Variants in SMCO4 observed in about 807,000 individuals in gnomAD.
SMCO4 encodes single-pass membrane protein with coiled-coil domains 4.
Under a neutral mutation model 3.6 loss-of-function variants are expected in SMCO4, and 4 were observed. The observed-to-expected ratio is 1.11, with a 90% CI of 0.54 to 2.53. The LOEUF (loss-of-function observed/expected upper bound fraction) is 2.53. Ranked by LOEUF, SMCO4 falls within the 30% of genes most tolerant of loss-of-function variation. The probability of loss-of-function intolerance (pLI) is 0.02; values close to 1 mark genes in which losing one functional copy is unlikely to be tolerated. For missense variants in SMCO4, 70 were observed against 80.8 expected, an observed-to-expected ratio of 0.87 and a Z score of 0.51; for synonymous variants, 36 against 35.3, an observed-to-expected ratio of 1.02 and a Z score of -0.07.
chr11:93,522,124 T>A (rs1266046212), intron 1 of SMCO4, among the ~76,000 whole-genome samples: 1 of 152,238 alleles, frequency 6.6e-6, no homozygotes, highest in Non-Finnish European at 1.5e-5. Context: ...TGTCAGGAAG[T>A]TCTTCCTCAG....
chr11:93,478,753 A>ACACAAG lies in SMCO4; in HGVS notation c.*256_*257insCTTGTG. ...CACACACACACACACACACACACACATGCGCGCGCGCTTTGAAGTCTGAAA... is the reference window on the plus strand; with the variant it reads ...CACACACACACACACACACACACACACACAAGTGCGCGCGCGCTTTGAAGTCTGAAA... On this transcript the variant is annotated 3_prime_UTR_variant, in exon 3 of 3. Coordinates refer to ENST00000298966, the MANE Select transcript of SMCO4 (RefSeq NM_020179.3). 1 of 707,210 alleles carries ACACAAG rather than the reference A, an allele frequency of 1.4e-6. No individual in the cohort carries two copies. Among genetic ancestry groups the ACACAAG allele is most frequent in the Non-Finnish European group, 1.9e-6 (1 of 515,708 alleles). 43.8% of individuals were successfully genotyped at this position (707,210 alleles called of 1,614,324 possible).
At chr11:93,538,377 CT>C (rs745496871) in intron 1 of SMCO4, among the ~76,000 whole-genome samples, 15 of 152,222 alleles carry the variant, frequency 9.9e-5, no homozygotes, top group Non-Finnish European at 1.8e-4. Flanking sequence ...GGACCAAACC[CT>C]GGTGGGTCCC....
rs1009661409 is a variant in SMCO4 at position 93,528,226 on chromosome 11, T to G, written c.-154+15050A>C. Among the ~76,000 whole-genome samples the G allele has an allele frequency of 2.0e-5, 3 of 152,210 alleles. No homozygotes were observed. In the East Asian group the frequency reaches 5.8e-4, roughly 29 times the overall value. ...TTTCTTAACAAATTTGGAATGTAAT[T>G]GATATAAAATTTTGTAGTTATGATC... is the stretch of plus-strand genomic sequence containing the variant. On this transcript the variant is annotated intron_variant, in intron 1 of 2. Transcript: ENST00000298966.
At position 93,479,273 on chromosome 11, in the gene SMCO4, T is replaced by G; in HGVS notation, c.-80-4A>C. 2 of 1,529,120 alleles carry G rather than the reference T, an allele frequency of 1.3e-6. No homozygotes were observed. Among genetic ancestry groups the G allele is most frequent in the Non-Finnish European group, 1.8e-6 (2 of 1,139,266 alleles). 94.7% of individuals were successfully genotyped at this position (1,529,120 alleles called of 1,614,324 possible). The stretch of plus-strand genomic sequence containing the variant: ...CTCTTGCCAAGGCTGGAACCTCCTG[T>G]AGAGAGAACAACTGTGATAGTAGAG... On this transcript the variant is annotated splice_region_variant and splice_polypyrimidine_tract_variant and intron_variant, in intron 2 of 2. Coordinates refer to ENST00000298966, the MANE Select transcript of SMCO4 (RefSeq NM_020179.3).
intron 1 of SMCO4, among the ~76,000 whole-genome samples, chr11:93,531,636 G>C (rs1241142119): frequency 6.6e-6 from 1 of 152,176 alleles, no homozygotes; most frequent in Admixed American, 6.5e-5. Flanking sequence ...TGTGCAGACA[G>C]GTAACACTAA....
At chr11:93,493,206 T>A (rs1445043295) in intron 2 of SMCO4, among the ~76,000 whole-genome samples, 2 of 152,214 alleles carry the variant, frequency 1.3e-5, no homozygotes, top group Non-Finnish European at 2.9e-5. Context: ...ATCTTGCCAC[T>A]GGTCCAACTG....
intron 1 of SMCO4, among the ~76,000 whole-genome samples, chr11:93,534,796 C>T (rs1379834531): frequency 6.6e-6 from 1 of 152,208 alleles, no homozygotes; most frequent in African/African-American, 2.4e-5. Context: ...GGGAGGGCCC[C>T]GAGATCAGCC....
chr11:93,527,495 C>A (rs1343086584), intron 1 of SMCO4, among the ~76,000 whole-genome samples: 2 of 152,348 alleles, frequency 1.3e-5, no homozygotes, highest in Middle Eastern at 3.4e-3. Context: ...GTCTCACTGT[C>A]ACCCAGGCTG....
chr11:93,520,019 G>A lies in SMCO4; in HGVS notation c.-153-20671C>T, dbSNP rs186289774. ...AGCAAAGAAAAGCAAAGGTTAGCAG[G>A]GCCAACATCTGGCAGAGCCACTATA... On this transcript the variant is annotated intron_variant, in intron 1 of 2. Coordinates refer to ENST00000298966, the MANE Select transcript of SMCO4 (RefSeq NM_020179.3). Among the ~76,000 whole-genome samples the A allele has an allele frequency of 4.4e-3, 673 of 152,290 alleles. 3 individuals are homozygous for A. The highest frequency in any genetic ancestry group is 0.019 in the South Asian group (90 of 4,818).
At chr11:93,508,857 A>G (rs1329237798) in intron 1 of SMCO4, among the ~76,000 whole-genome samples, 2 of 152,238 alleles carry the variant, frequency 1.3e-5, no homozygotes, top group African/African-American at 2.4e-5. Context: ...AAGAAGGAGC[A>G]GGAAACACTT....
the SMCO4 span, among the ~76,000 whole-genome samples, chr11:93,549,629 T>TA: frequency 6.6e-6 from 1 of 151,390 alleles, no homozygotes; most frequent in Non-Finnish European, 1.5e-5. Context: ...ATTTATTTTT[T>TA]TTTTTTTTAT....
upstream of SMCO4, among the ~76,000 whole-genome samples, chr11:93,544,952 G>A (rs1442646831): frequency 6.6e-6 from 1 of 152,316 alleles, no homozygotes; most frequent in East Asian, 1.9e-4. Context: ...GGGAACACGC[G>A]TGTGTGAGGT....
upstream of SMCO4, chr11:93,543,392 G>T (rs1176246611): frequency 6.6e-6 from 1 of 151,978 alleles, no homozygotes; most frequent in Non-Finnish European, 1.5e-5. Flanking sequence ...GGGCGACTCT[G>T]GCGCGCCAGA....
Position 93,478,862 on chromosome 11 carries a change from T to C in SMCO4, c.*148A>G, listed in dbSNP as rs1948552149. 4.2e-6 allele frequency: 6 copies of C among 1,427,568 alleles called. No individual in the cohort carries two copies. The highest frequency in any genetic ancestry group is 4.6e-6 in the Non-Finnish European group (5 of 1,093,356). The allele number at this position is 1,427,568 out of a possible 1,614,324, so 88.4% of individuals were successfully genotyped here. On this transcript the variant is annotated 3_prime_UTR_variant, in exon 3 of 3. Coordinates refer to ENST00000298966, the MANE Select transcript of SMCO4 (RefSeq NM_020179.3). ...CCCTCCCAAGAAAGCGGAGATACTT[T>C]AATCAAGTCAAAGACCAGAGAAGAC... is the stretch of plus-strand genomic sequence containing the variant.
At chr11:93,511,276 C>T (rs1179985761) in intron 1 of SMCO4, among the ~76,000 whole-genome samples, 1 of 152,182 alleles carries the variant, frequency 6.6e-6, no homozygotes, top group Non-Finnish European at 1.5e-5. Flanking sequence ...TCACCTCCCA[C>T]AGCTAATCAA....
intron 1 of SMCO4, among the ~76,000 whole-genome samples, chr11:93,525,668 T>A (rs1221070735): frequency 6.6e-6 from 1 of 152,146 alleles, no homozygotes; most frequent in East Asian, 1.9e-4. Flanking sequence ...GCCAAACTCC[T>A]GGGCAAACGC....
At chr11:93,499,575 C>T (rs1483798159) in intron 1 of SMCO4, among the ~76,000 whole-genome samples, 2 of 152,204 alleles carry the variant, frequency 1.3e-5, no homozygotes, top group Non-Finnish European at 2.9e-5. Flanking sequence ...CAAGCAGCCC[C>T]TGCATGGAGT....
chr11:93,519,920 G>GA (rs140098901), intron 1 of SMCO4, among the ~76,000 whole-genome samples: 3,237 of 152,150 alleles, frequency 0.021, 66 homozygotes, highest in Middle Eastern at 0.034. Flanking sequence ...GAATACACTA[G>GA]AAAAAAATAT....
chr11:93,535,803 A>G, intron 1 of SMCO4: 1 of 1,613,966 alleles, frequency 6.2e-7, no homozygotes, highest in Non-Finnish European at 8.5e-7. Flanking sequence ...CAGCAGCAGC[A>G]GCAACAGCAG....
Sources: allele counts gnomAD v4.1 joint callset (sites outside exome capture counted in the v4.1 genomes callset), GRCh38; gene constraint gnomAD v4.1.1; transcripts MANE v1.5; gene names NCBI Gene and HGNC (gene_info 2026-07-23, HGNC 2026-07-21).